Variants in FAM177A1 observed in about 807,000 individuals in gnomAD.
FAM177A1 encodes the protein family with sequence similarity 177 member A1.
In FAM177A1, 22 loss-of-function variants were observed where a neutral mutation model predicts 26.1. The ratio of observed to expected loss-of-function variants is 0.84; its 90% CI spans 0.60 to 1.20. The LOEUF (loss-of-function observed/expected upper bound fraction) is 1.20, where lower values mean the gene tolerates loss of function less well. Among genes scored for constraint, FAM177A1 ranks in the 50% most tolerant of loss-of-function variants. The pLI is 0.00. For synonymous variants in FAM177A1, 95 were observed against 99.3 expected (o/e 0.96, Z 0.26); for missense variants, 296 against 291.1 (o/e 1.02, Z -0.12).
At chr14:35,060,058 C>T (rs1235292676) in intron 2 of FAM177A1, among the ~76,000 whole-genome samples, 1 of 152,080 alleles carries the variant, frequency 6.6e-6, no homozygotes, top group Non-Finnish European at 1.5e-5. Context: ...ACTGCAACCT[C>T]TGCTTCCTGG....
At chr14:35,079,145 C>A in intron 4 of FAM177A1, 121 bp downstream of exon 4, 1 of 642,518 alleles carries the variant, frequency 1.6e-6, no homozygotes. Flanking sequence ...CTAGGCATTT[C>A]ATTCTAGAAT....
chr14:35,058,146 T>C (rs1174286402), intron 2 of FAM177A1, among the ~76,000 whole-genome samples: 2 of 152,170 alleles, frequency 1.3e-5, no homozygotes, highest in East Asian at 3.8e-4. Context: ...CGATTTCAGC[T>C]CACTGCAACC....
chr14:35,080,354 C>T (rs532422177), intron 4 of FAM177A1, among the ~76,000 whole-genome samples: 2 of 152,260 alleles, frequency 1.3e-5, no homozygotes, highest in East Asian at 3.9e-4. Flanking sequence ...ACCTATTCAA[C>T]CGAATAGACT....
intron 2 of FAM177A1, among the ~76,000 whole-genome samples, chr14:35,069,731 T>C (rs2045289875): frequency 6.6e-6 from 1 of 152,116 alleles, no homozygotes; most frequent in Non-Finnish European, 1.5e-5. Flanking sequence ...CCATAGTACA[T>C]TTGTAAAACA....
chr14:35,077,230 G>C lies in FAM177A1; in HGVS notation c.406+14G>C, dbSNP rs201438951. On this transcript the variant is annotated intron_variant, in intron 3 of 4. Transcript: ENST00000280987. ...CAACTCTCTCAGGTATTGCTTTTCTGCTTGAATATTGTATAATTGCTGTAA... is the reference window on the plus strand; with the variant it reads ...CAACTCTCTCAGGTATTGCTTTTCTCCTTGAATATTGTATAATTGCTGTAA... The C allele has an allele frequency of 1.2e-6, 2 of 1,611,110 alleles. No individual in the cohort carries two copies. Among genetic ancestry groups the C allele is most frequent in the Non-Finnish European group, 1.7e-6 (2 of 1,177,746 alleles).
At chr14:35,066,865 C>T (rs898890975) in intron 2 of FAM177A1, among the ~76,000 whole-genome samples, 1 of 151,620 alleles carries the variant, frequency 6.6e-6, no homozygotes, top group Non-Finnish European at 1.5e-5. Context: ...ACAATCTCAG[C>T]TCACCGCAAC....
chr14:35,046,677 T>A (rs1388112416), intron 1 of FAM177A1, 49 bp downstream of exon 1: 5 of 1,494,876 alleles, frequency 3.3e-6, no homozygotes, highest in Admixed American at 2.2e-5. Context: ...GCCGCCTCCT[T>A]GCCTTCTCCG....
In FAM177A1 at chr14:35,053,437, C is replaced by T. The variant is rs201475038; in HGVS notation, c.325C>T (p.Pro109Ser). 6.2e-7 allele frequency: 1 copy of T among 1,613,936 alleles called. No homozygotes were observed. Among genetic ancestry groups the T allele is most frequent in the South Asian group, 1.1e-5 (1 of 91,038 alleles). The stretch of plus-strand genomic sequence containing the variant: ...TGGCCTGGAGAAGAAAGATGTTTTG[C>T]CTACTGTTGATCCGGTAGGTTTGAT... ...VDGLEKKDVL[P>S]TVDPTKLTWG... Residue 109 changes from proline (P) to serine (S), a missense_variant, in exon 2 of 5, where the codon CCT (proline) becomes TCT (serine). Pro to Ser is a moderately conservative substitution (Grantham distance 74, BLOSUM62 -1). Coordinates refer to ENST00000280987, the MANE Select transcript of FAM177A1 (RefSeq NM_173607.5).
chr14:35,057,950 T>A (rs1386988618), intron 2 of FAM177A1, among the ~76,000 whole-genome samples: 2 of 152,314 alleles, frequency 1.3e-5, no homozygotes, highest in African/African-American at 4.8e-5. Flanking sequence ...ATGTATATTC[T>A]GTTGTTGAAA....
At chr14:35,049,435 T>C (rs905652155) in intron 1 of FAM177A1, among the ~76,000 whole-genome samples, 1 of 152,148 alleles carries the variant, frequency 6.6e-6, no homozygotes. Context: ...AAGTCTAGTA[T>C]GTGTTTTAAA....
At chr14:35,061,771 A>T (rs891728802) in intron 2 of FAM177A1, among the ~76,000 whole-genome samples, 8 of 105,866 alleles carry the variant, frequency 7.6e-5, no homozygotes, top group Non-Finnish European at 1.5e-4. Flanking sequence ...AATAATATTA[A>T]AAAAAAAAGC....
chr14:35,058,444 G>C (rs2045096795), intron 2 of FAM177A1, among the ~76,000 whole-genome samples: 1 of 152,112 alleles, frequency 6.6e-6, no homozygotes. Context: ...CTTTCTGTCA[G>C]ATTTGTTTAA....
At chr14:35,049,651 G>T (rs2044931880) in intron 1 of FAM177A1, among the ~76,000 whole-genome samples, 1 of 152,108 alleles carries the variant, frequency 6.6e-6, no homozygotes, top group African/African-American at 2.4e-5. Context: ...TGGGCATTAT[G>T]GCTCACGCCT....
intron 2 of FAM177A1, among the ~76,000 whole-genome samples, chr14:35,071,591 C>CT (rs11427010): frequency 0.18 from 27,212 of 151,816 alleles, 2,565 homozygotes; most frequent in East Asian, 0.37. Flanking sequence ...ACAAAGGGCC[C>CT]TATATATTCA....
intron 2 of FAM177A1, among the ~76,000 whole-genome samples, chr14:35,070,607 C>T (rs552878371): frequency 3.3e-5 from 5 of 152,148 alleles, no homozygotes; most frequent in South Asian, 2.1e-4. Context: ...GGATTACAGG[C>T]GTGAGCCACC....
chr14:35,058,290 T>G (rs1436609148), intron 2 of FAM177A1, among the ~76,000 whole-genome samples: 1 of 152,064 alleles, frequency 6.6e-6, no homozygotes, highest in Non-Finnish European at 1.5e-5. Context: ...GGTCTCGATC[T>G]CTTGACCTCA....
At chr14:35,060,110 C>T (rs1405426108) in intron 2 of FAM177A1, among the ~76,000 whole-genome samples, 1 of 152,018 alleles carries the variant, frequency 6.6e-6, no homozygotes. Context: ...AGTAACTGGG[C>T]TTACTGGCAT....
At chr14:35,065,357 C>CTTT (rs1181451849) in intron 2 of FAM177A1, among the ~76,000 whole-genome samples, 14 of 91,880 alleles carry the variant, frequency 1.5e-4, no homozygotes, top group South Asian at 3.7e-4. Context: ...TCCATTGAAT[C>CTTT]TTTTTTTTTT....
At chr14:35,055,648 G>A (rs1363658974) in intron 2 of FAM177A1, among the ~76,000 whole-genome samples, 2 of 152,026 alleles carry the variant, frequency 1.3e-5, no homozygotes, top group East Asian at 3.9e-4. Context: ...TGTTGGTTAA[G>A]CTGGTCTCGA....
Sources: gnomAD v4.1 joint callset for allele counts (sites outside exome capture counted in the v4.1 genomes callset) on GRCh38, gnomAD v4.1.1 for gene constraint, MANE v1.5 for transcripts, NCBI Gene and HGNC (gene_info 2026-07-23, HGNC 2026-07-21) for gene names.